SPATS1: variants seen among roughly 807,000 people sequenced by gnomAD.
SPATS1 encodes spermatogenesis associated serine rich 1.
A neutral mutation model predicts 33.6 loss-of-function variants in SPATS1; 23 were observed. That is an observed-to-expected ratio of 0.68 (90% CI 0.49 to 0.97). The LOEUF (loss-of-function observed/expected upper bound fraction) is 0.97. Ranked by LOEUF, SPATS1 falls within the 50% of genes least tolerant of loss-of-function variation. The probability of loss-of-function intolerance (pLI) is 0.00; values close to 1 mark genes in which losing one functional copy is unlikely to be tolerated. For synonymous variants in SPATS1, 131 were observed against 125.6 expected, an observed-to-expected ratio of 1.04 and a Z score of -0.29; for missense variants, 327 against 361.0, an observed-to-expected ratio of 0.91 and a Z score of 0.76.
intron 5 of SPATS1, among the ~76,000 whole-genome samples, chr6:44,364,930 C>T (rs1221703561): frequency 6.6e-6 from 1 of 152,032 alleles, no homozygotes; most frequent in Non-Finnish European, 1.5e-5. Flanking sequence ...CCTGGGATTA[C>T]AGGCATGTGC....
chr6:44,348,582 C>T (rs1263514513), intron 2 of SPATS1, among the ~76,000 whole-genome samples: 1 of 152,036 alleles, frequency 6.6e-6, no homozygotes, highest in Non-Finnish European at 1.5e-5. Flanking sequence ...TGGATGTTAC[C>T]AGGTCTGTGG....
rs1790042839 is a variant in SPATS1, at chr6:44,377,886, TCACCTTGGGGATTAGGTTTCGACATATG to T, written c.*826_*853del. On this transcript the variant is annotated 3_prime_UTR_variant, in exon 9 of 9. Transcript: ENST00000674044. ...CCAATGGCCTTACCTCCTAATACCA[TCACCTTGGGGATTAGGTTTCGACATATG>T]CATTTTGGGGTGGGGAGGACAAACA... is the stretch of plus-strand genomic sequence containing the variant. The T allele has an allele frequency of 6.6e-6, 1 of 152,166 alleles. No homozygotes were observed. Among genetic ancestry groups the T allele is most frequent in the Non-Finnish European group, 1.5e-5 (1 of 68,050 alleles). The allele number at this position is 152,166 out of a possible 1,614,324, so 9.4% of individuals were successfully genotyped here.
chr6:44,366,128 T>TATATATATA (rs11434378), intron 5 of SPATS1, among the ~76,000 whole-genome samples: 9 of 120,410 alleles, frequency 7.5e-5, no homozygotes, highest in Non-Finnish European at 1.0e-4. Flanking sequence ...TATATATATA[T>TATATATATA]TTTTTTTTTT....
rs1787679676 is a variant in SPATS1, at chr6:44,343,363, G to T, written c.139+129G>T. ...AAGCTAGTTTGGGGGCATGTAAAAA[G>T]AGCTGCTTGAATAGTAGCTTATGTT... On this transcript the variant is annotated intron_variant, in intron 2 of 8. Coordinates refer to ENST00000674044, the MANE Select transcript of SPATS1 (RefSeq NM_001372081.1). 7 of 1,082,550 alleles carry T rather than the reference G, an allele frequency of 6.5e-6. No homozygotes were observed. In the Admixed American group the frequency reaches 1.3e-4, roughly 21 times the overall value. The allele number at this position is 1,082,550 out of a possible 1,614,324, so 67.1% of individuals were successfully genotyped here. A position where few individuals can be genotyped will look rare whatever the true frequency, so the allele number is the denominator to read the frequency against.
At position 44,361,179 on chromosome 6, in the gene SPATS1, C is replaced by T. The variant is rs140459928; in HGVS notation, c.412+609C>T. ...GTGCTCTTCTTGGATATCCCAGAGC[C>T]CACATTTCTCAAGCACCCCTAGAGC... On this transcript the variant is annotated intron_variant, in intron 4 of 8. Transcript: ENST00000674044. Among the ~76,000 whole-genome samples, 304 of 152,204 alleles carry T rather than the reference C, an allele frequency of 2.0e-3. 2 individuals are homozygous for T. The highest frequency in any genetic ancestry group is 6.4e-3 in the African/African-American group (264 of 41,518).
chr6:44,369,259 T>C (rs1224004370), intron 6 of SPATS1, among the ~76,000 whole-genome samples: 2 of 152,100 alleles, frequency 1.3e-5, no homozygotes, highest in African/African-American at 4.8e-5. Context: ...CTAAAATCTG[T>C]GGGCCGGGCG....
At chr6:44,357,346 T>C (rs116220757) in intron 3 of SPATS1, among the ~76,000 whole-genome samples, 1 of 152,272 alleles carries the variant, frequency 6.6e-6, no homozygotes, top group African/African-American at 2.4e-5. Flanking sequence ...TTCTGGGGAA[T>C]TGATTTTCAC....
chr6:44,361,722 A>G, intron 4 of SPATS1, 109 bp from the exon 5 acceptor site: 1 of 1,428,864 alleles, frequency 7.0e-7, no homozygotes, highest in Non-Finnish European at 9.7e-7. Flanking sequence ...CACATTAATT[A>G]AAGTTATATA....
At chr6:44,361,531 A>G in intron 4 of SPATS1, 1 of 985,250 alleles carries the variant, frequency 1.0e-6, no homozygotes, top group Non-Finnish European at 1.2e-6. Context: ...ACTGTCTCTG[A>G]GCTTCCCAAT....
intron 1 of SPATS1, 58 bp downstream of exon 1, chr6:44,342,826 AC>A: frequency 9.5e-7 from 1 of 1,051,380 alleles, no homozygotes; most frequent in Non-Finnish European, 1.3e-6. Flanking sequence ...GGGTGGGAAG[AC>A]CCCGAGGTGG....
At position 44,378,748 on chromosome 6, in the gene SPATS1, G is replaced by A. The variant is rs1425259682; in HGVS notation, c.*1685G>A. On this transcript the variant is annotated 3_prime_UTR_variant, in exon 9 of 9. Coordinates refer to ENST00000674044, the MANE Select transcript of SPATS1 (RefSeq NM_001372081.1). ...ACCATGCCATTGCACTCCAGCCTGG[G>A]CGACAAGAGCGAAACTCCATCCCAA... 1 of 152,590 alleles carries A rather than the reference G, an allele frequency of 6.6e-6. No homozygotes were observed. The highest frequency in any genetic ancestry group is 1.5e-5 in the Non-Finnish European group (1 of 68,424). The allele number at this position is 152,590 out of a possible 1,614,324, so 9.5% of individuals were successfully genotyped here.
chr6:44,364,546 G>T (rs968016978), intron 5 of SPATS1, among the ~76,000 whole-genome samples: 2 of 74,802 alleles, frequency 2.7e-5, no homozygotes, highest in Non-Finnish European at 6.0e-5. Flanking sequence ...CTACAGGCTT[G>T]ATTCGTTTTA....
intron 3 of SPATS1, among the ~76,000 whole-genome samples, chr6:44,358,488 T>C (rs1788720131): frequency 1.3e-5 from 2 of 152,244 alleles, no homozygotes; most frequent in South Asian, 2.1e-4. Context: ...TACATACTTA[T>C]TGATTTTTTA....
At chr6:44,358,971 T>C (rs1399694096) in intron 3 of SPATS1, among the ~76,000 whole-genome samples, 1 of 152,116 alleles carries the variant, frequency 6.6e-6, no homozygotes, top group Non-Finnish European at 1.5e-5. Context: ...TTTAAAGAAA[T>C]GGGATTTCAC....
At chr6:44,366,312 C>T (rs765360054) in intron 5 of SPATS1, among the ~76,000 whole-genome samples, 16 of 151,712 alleles carry the variant, frequency 1.1e-4, no homozygotes, top group Non-Finnish European at 1.9e-4. Context: ...TTAGTGGAGA[C>T]GGGATTTCAC....
At chr6:44,344,710 G>A (rs1445232488) in intron 2 of SPATS1, among the ~76,000 whole-genome samples, 1 of 152,080 alleles carries the variant, frequency 6.6e-6, no homozygotes, top group Non-Finnish European at 1.5e-5. Context: ...TAAAAAAATG[G>A]AAATAATTAT....
intron 4 of SPATS1, 26 bp downstream of exon 4, chr6:44,360,596 G>A: frequency 6.2e-7 from 1 of 1,612,928 alleles, no homozygotes; most frequent in South Asian, 1.1e-5. Context: ...TCCTCCACAT[G>A]CTTCTGTGCC....
At chr6:44,354,131 C>T (rs888183552) in intron 3 of SPATS1, among the ~76,000 whole-genome samples, 1 of 150,732 alleles carries the variant, frequency 6.6e-6, no homozygotes, top group Non-Finnish European at 1.5e-5. Context: ...GCCAGGAGTT[C>T]GAGGCCAGCC....
chr6:44,345,246 A>G (rs141937758), intron 2 of SPATS1, among the ~76,000 whole-genome samples: 8 of 152,218 alleles, frequency 5.3e-5, no homozygotes, highest in African/African-American at 1.9e-4. Context: ...ACTCTCAGGA[A>G]GATGCCGTAG....
Sources: allele counts gnomAD v4.1 joint callset (sites outside exome capture counted in the v4.1 genomes callset), GRCh38; gene constraint gnomAD v4.1.1; transcripts MANE v1.5; gene names NCBI Gene and HGNC (gene_info 2026-07-23, HGNC 2026-07-21).